The following MEOX1 variants were observed in gnomAD, a reference collection of about 807,000 sequenced individuals.
MEOX1 encodes the protein homeobox protein MOX-1.
Under a neutral mutation model 23.2 loss-of-function variants are expected in MEOX1, and 17 were observed. The observed-to-expected ratio is 0.73, with a 90% CI of 0.50 to 1.10. The LOEUF is 1.10. MEOX1 is among the 50% of genes least tolerant of loss of function. The pLI is 0.00. For synonymous variants in MEOX1, 134 were observed against 135.1 expected, an observed-to-expected ratio of 0.99 and a Z score of 0.06; for missense variants, 333 against 332.2, an observed-to-expected ratio of 1.00 and a Z score of -0.02.
In MEOX1 at chr17:43,643,643, C is replaced by T. The variant is rs771567257; in HGVS notation, c.487G>A (p.Gly163Arg). The change falls in exon 2 of 3, where the codon GGG becomes AGG. Residue 163 changes from glycine (G) to arginine (R), a missense_variant. Gly to Arg is a moderately radical substitution (Grantham distance 125). Transcript: ENST00000318579. The stretch of plus-strand genomic sequence containing the variant: ...GCTTTGCTGCTGCCCTCCGGCTTCC[C>T]TCTGTTCTCCTGGTTGTCTGGGGAG... The part of the protein sequence containing the change: ...KESSDNQENR[G>R]KPEGSSKARK... 1.2e-6 allele frequency: 2 copies of T among 1,613,202 alleles called. No homozygotes were observed. Among genetic ancestry groups the T allele is most frequent in the Non-Finnish European group, 1.7e-6 (2 of 1,179,790 alleles).
At chr17:43,657,012 C>CTCTCTCTTTCTTTCTT (rs1555567819) in intron 1 of MEOX1, among the ~76,000 whole-genome samples, 4 of 105,146 alleles carry the variant, frequency 3.8e-5, no homozygotes, top group South Asian at 3.2e-4. Flanking sequence ...TTCTTTCTTT[C>CTCTCTCTTTCTTTCTT]TCTTTCTTTC....
At chr17:43,643,147 A>G (rs1162852735) in intron 2 of MEOX1, among the ~76,000 whole-genome samples, 1 of 73,830 alleles carries the variant, frequency 1.4e-5, no homozygotes, top group Non-Finnish European at 2.4e-5. Flanking sequence ...CGCCTCTACT[A>G]AAAAAAAAAA....
intron 1 of MEOX1, 77 bp from the exon 2 acceptor site, chr17:43,643,737 T>A: frequency 8.4e-7 from 1 of 1,191,670 alleles, no homozygotes; most frequent in Non-Finnish European, 1.2e-6. Flanking sequence ...CTTGAGCAAC[T>A]AGGCAGTCTT....
At chr17:43,646,393 G>T (rs553090587) in intron 1 of MEOX1, among the ~76,000 whole-genome samples, 28 of 152,198 alleles carry the variant, frequency 1.8e-4, no homozygotes, top group Admixed American at 7.2e-4. Flanking sequence ...CCGGAGAGAG[G>T]CAGGAAACCC....
chr17:43,661,421 GTA>G lies in MEOX1; in HGVS notation c.112_113del (p.Tyr38ProfsTer23), dbSNP rs2154589076. 1.1e-5 allele frequency: 11 copies of G among 981,488 alleles called. No individual in the cohort carries two copies. Among genetic ancestry groups the G allele is most frequent in the Non-Finnish European group, 1.7e-5 (11 of 656,968 alleles). 60.8% of individuals were successfully genotyped at this position (981,488 alleles called of 1,614,324 possible). A position where few individuals can be genotyped will look rare whatever the true frequency, so the allele number is the denominator to read the frequency against. ...GGTGGAAGGAGAACGGGGTGGGCGGGTAGTGGGGTAGCCCTGAGGCCCCATTG... is the reference window on the plus strand; with the variant it reads ...GGTGGAAGGAGAACGGGGTGGGCGGGGTGGGGTAGCCCTGAGGCCCCATTG... ...EGNGASGLPH[Y>X]PPTPFSFHQK... On this transcript the variant is annotated frameshift_variant, in exon 1 of 3. Transcript: ENST00000318579. LOFTEE classifies it high-confidence loss of function.
At chr17:43,644,110 GA>G (rs1268670332) in intron 1 of MEOX1, among the ~76,000 whole-genome samples, 1 of 152,124 alleles carries the variant, frequency 6.6e-6, no homozygotes, top group African/African-American at 2.4e-5. Flanking sequence ...CCTCATTCCA[GA>G]CCTACTAAGT....
intron 1 of MEOX1, among the ~76,000 whole-genome samples, chr17:43,650,075 A>G (rs1567744900): frequency 1.3e-5 from 2 of 152,218 alleles, no homozygotes; most frequent in Non-Finnish European, 2.9e-5. Flanking sequence ...TGAGGGCACC[A>G]GTTTACATAA....
At chr17:43,651,835 C>G (rs1972921770) in intron 1 of MEOX1, among the ~76,000 whole-genome samples, 1 of 152,220 alleles carries the variant, frequency 6.6e-6, no homozygotes, top group Admixed American at 6.5e-5. Context: ...CGGAGCAGAG[C>G]TGAGGTGACC....
intron 1 of MEOX1, among the ~76,000 whole-genome samples, chr17:43,648,224 CTTT>C (rs1428862410): frequency 2.0e-5 from 3 of 152,154 alleles, no homozygotes; most frequent in Non-Finnish European, 1.5e-5. Flanking sequence ...AATCCCAGCA[CTTT>C]GGGAGGCCGA....
chr17:43,661,183 TC>T lies in MEOX1; in HGVS notation c.351del (p.Thr118ProfsTer79). On this transcript the variant is annotated frameshift_variant, in exon 1 of 3. Coordinates refer to ENST00000318579, the MANE Select transcript of MEOX1 (RefSeq NM_004527.4). LOFTEE classifies it high-confidence loss of function. Reference protein sequence around the residue: ...SGPAGGSKEMGTSSLGLVDTT... With the variant: ...SGPAGGSKEMXTSSLGLVDTT... ...GTGTCCACCAGGCCCAGGCTGCTGG[TC>T]CCCATTTCCTTGGAACCCCCTGCCG... The T allele has an allele frequency of 6.2e-7, 1 of 1,604,176 alleles. No individual in the cohort carries two copies. Among genetic ancestry groups the T allele is most frequent in the Non-Finnish European group, 8.5e-7 (1 of 1,174,822 alleles).
chr17:43,658,654 G>A (rs1973084626), intron 1 of MEOX1, among the ~76,000 whole-genome samples: 1 of 152,162 alleles, frequency 6.6e-6, no homozygotes, highest in Non-Finnish European at 1.5e-5. Flanking sequence ...GGGGCTCTCT[G>A]TGGGTTTGCC....
Position 43,641,855 on chromosome 17 carries a change from G to C in MEOX1, c.*55C>G, listed in dbSNP as rs920780572. On this transcript the variant is annotated 3_prime_UTR_variant, in exon 3 of 3. Coordinates refer to ENST00000318579, the MANE Select transcript of MEOX1 (RefSeq NM_004527.4). ...AAGAGGGTGAAGGTGGGATTGGGGTGGGGGTAGTTGGGTAGGGGGCTCAGT... is the reference window on the plus strand; with the variant it reads ...AAGAGGGTGAAGGTGGGATTGGGGTCGGGGTAGTTGGGTAGGGGGCTCAGT... 1.9e-6 allele frequency: 3 copies of C among 1,553,082 alleles called. No individual in the cohort carries two copies. Among genetic ancestry groups the C allele is most frequent in the African/African-American group, 1.4e-5 (1 of 73,612 alleles).
At chr17:43,642,701 G>A (rs995823094) in intron 2 of MEOX1, among the ~76,000 whole-genome samples, 20 of 151,166 alleles carry the variant, frequency 1.3e-4, no homozygotes, top group African/African-American at 4.2e-4. Context: ...AAGGGCCAGG[G>A]AAGTTTTTCT....
chr17:43,645,241 A>G (rs562849237), intron 1 of MEOX1, among the ~76,000 whole-genome samples: 2 of 133,864 alleles, frequency 1.5e-5, no homozygotes, highest in South Asian at 4.6e-4. Context: ...CAGTGGTGCG[A>G]TCTCGGCTCA....
At chr17:43,659,287 G>C (rs1973097947) in intron 1 of MEOX1, among the ~76,000 whole-genome samples, 1 of 152,222 alleles carries the variant, frequency 6.6e-6, no homozygotes, top group East Asian at 1.9e-4. Context: ...CCAAGTCGCT[G>C]AGAGTTGCTT....
intron 1 of MEOX1, among the ~76,000 whole-genome samples, chr17:43,653,723 T>C (rs927125473): frequency 1.3e-5 from 2 of 150,560 alleles, no homozygotes; most frequent in African/African-American, 4.9e-5. Context: ...TTGGCCAGGA[T>C]GGTTTTGATT....
At chr17:43,659,547 T>A (rs1973101975) in intron 1 of MEOX1, among the ~76,000 whole-genome samples, 2 of 152,240 alleles carry the variant, frequency 1.3e-5, no homozygotes, top group African/African-American at 4.8e-5. Context: ...AGCTCACTTC[T>A]AGGGTGACCA....
intron 1 of MEOX1, among the ~76,000 whole-genome samples, chr17:43,657,020 TTC>T (rs953882162): frequency 6.5e-5 from 8 of 122,370 alleles, no homozygotes; most frequent in African/African-American, 1.2e-4. Context: ...TTCTCTTTCT[TTC>T]TTTCTTTCTT....
chr17:43,657,046 CTTT>C (rs1973040794), intron 1 of MEOX1, among the ~76,000 whole-genome samples: 2 of 136,304 alleles, frequency 1.5e-5, no homozygotes, highest in African/African-American at 5.5e-5. Context: ...TTCTTTCTTT[CTTT>C]CTTTCTTTCC....
Sources: gnomAD v4.1 joint callset for allele counts (sites outside exome capture counted in the v4.1 genomes callset) on GRCh38, gnomAD v4.1.1 for gene constraint, MANE v1.5 for transcripts, NCBI Gene and HGNC (gene_info 2026-07-23, HGNC 2026-07-21) for gene names.